QKI: variants seen among roughly 807,000 people sequenced by gnomAD.
QKI encodes the protein KH domain-containing RNA-binding protein QKI.
QKI carries 10 observed loss-of-function variants against 39.0 expected under a neutral mutation model. The ratio of observed to expected loss-of-function variants is 0.26; its 90% confidence interval spans 0.16 to 0.43. The LOEUF (loss-of-function observed/expected upper bound fraction) is 0.43, where lower values mean the gene tolerates loss of function less well. QKI is among the 20% of genes least tolerant of loss of function. The probability of loss-of-function intolerance (pLI) is 1.00; values close to 1 mark genes in which losing one functional copy is unlikely to be tolerated. For missense variants in QKI, 218 were observed against 428.0 expected (o/e 0.51, Z 4.33); for synonymous variants, 204 against 155.4 (o/e 1.31, Z -2.33).
At chr6:163,547,254 C>T (rs1473182242) in intron 4 of QKI, among the ~76,000 whole-genome samples, 1 of 152,146 alleles carries the variant, frequency 6.6e-6, no homozygotes, top group East Asian at 1.9e-4. Context: ...TATTGAAAAA[C>T]TGCAGTTTAC....
chr6:163,499,906 T>A (rs553775224), intron 3 of QKI, among the ~76,000 whole-genome samples: 2 of 152,202 alleles, frequency 1.3e-5, no homozygotes, highest in South Asian at 4.1e-4. Context: ...CCATGAAAAT[T>A]ATAATAATGC....
At chr6:163,493,700 C>G (rs1204378149) in intron 3 of QKI, among the ~76,000 whole-genome samples, 1 of 151,732 alleles carries the variant, frequency 6.6e-6, no homozygotes, top group Non-Finnish European at 1.5e-5. Context: ...AAAAGTACAA[C>G]AAAAAAAGAT....
At chr6:163,499,557 A>G (rs1169016047) in intron 3 of QKI, among the ~76,000 whole-genome samples, 1 of 152,190 alleles carries the variant, frequency 6.6e-6, no homozygotes, top group Non-Finnish European at 1.5e-5. Context: ...CATCACTGAC[A>G]GTGTACGTTT....
intron 6 of QKI, chr6:163,566,372 G>A (rs533363560): frequency 4.8e-4 from 575 of 1,200,484 alleles, no homozygotes; most frequent in African/African-American, 9.6e-4. Context: ...TAAACATGGC[G>A]TTATTTAAGT....
intron 4 of QKI, among the ~76,000 whole-genome samples, chr6:163,541,212 T>C (rs973424006): frequency 1.3e-5 from 2 of 152,092 alleles, no homozygotes; most frequent in African/African-American, 2.4e-5. Flanking sequence ...ATTTTCTTTG[T>C]AATTTCTTCT....
At chr6:163,566,473 C>T (rs1783367668) in intron 6 of QKI, 1 of 1,324,990 alleles carries the variant, frequency 7.5e-7, no homozygotes, top group African/African-American at 1.5e-5. Context: ...AATACTGTAA[C>T]TTGGGGATTG....
intron 6 of QKI, chr6:163,564,970 A>G (rs1783262498): frequency 1.0e-5 from 13 of 1,282,244 alleles, no homozygotes; most frequent in Non-Finnish European, 1.2e-5. Flanking sequence ...TAAGATTTAA[A>G]CTCGAAAATT....
intron 3 of QKI, among the ~76,000 whole-genome samples, chr6:163,526,564 A>G (rs898623592): frequency 3.9e-5 from 6 of 152,184 alleles, no homozygotes; most frequent in African/African-American, 9.6e-5. Context: ...TTTCCCAACA[A>G]TCATTTATTT....
chr6:163,462,742 G>A (rs971375508), intron 2 of QKI, among the ~76,000 whole-genome samples: 5 of 152,154 alleles, frequency 3.3e-5, no homozygotes, highest in Admixed American at 6.6e-5. Flanking sequence ...CAGGACACAG[G>A]AATATGAAAA....
At chr6:163,477,014 TG>T (rs1409658705) in intron 2 of QKI, among the ~76,000 whole-genome samples, 1,467 of 74,122 alleles carry the variant, frequency 0.02, 26 homozygotes, top group African/African-American at 0.083. Flanking sequence ...TGTTTTGTTT[TG>T]TTTTGTTTTT....
chr6:163,534,945 A>G, intron 3 of QKI, 37 bp from the exon 4 acceptor site: 1 of 1,507,220 alleles, frequency 6.6e-7, no homozygotes, highest in Non-Finnish European at 9.0e-7. Context: ...CTCTTTAAAG[A>G]GAATAATTTT....
At chr6:163,435,095 CAAT>C (rs745369654) in intron 1 of QKI, among the ~76,000 whole-genome samples, 6 of 152,196 alleles carry the variant, frequency 3.9e-5, no homozygotes, top group Middle Eastern at 3.4e-3. Context: ...AGTGAATTCA[CAAT>C]AATACTGAAT....
At chr6:163,415,739 G>T (rs1359004912) in intron 1 of QKI, among the ~76,000 whole-genome samples, 1 of 151,854 alleles carries the variant, frequency 6.6e-6, no homozygotes, top group Non-Finnish European at 1.5e-5. Flanking sequence ...TGGAGGACGC[G>T]TGTGCCCGGC....
chr6:163,550,901 C>G (rs1283367147), intron 4 of QKI, among the ~76,000 whole-genome samples: 2 of 148,770 alleles, frequency 1.3e-5, no homozygotes, highest in African/African-American at 5.0e-5. Flanking sequence ...GAGCCAAGAT[C>G]GTGTCACTGC....
At chr6:163,540,904 GTTCTAGAGTTTTATCAA>G (rs1172327487) in intron 4 of QKI, among the ~76,000 whole-genome samples, 2 of 151,750 alleles carry the variant, frequency 1.3e-5, no homozygotes, top group African/African-American at 4.8e-5. Context: ...ATCCAATCTA[GTTCTAGAGTTTTATCAA>G]TTTTATCAAC....
intron 3 of QKI, among the ~76,000 whole-genome samples, chr6:163,524,654 ACGG>A (rs1425579453): frequency 2.0e-5 from 3 of 151,540 alleles, no homozygotes; most frequent in Admixed American, 2.0e-4. Context: ...TTTAGTAGAG[ACGG>A]GGTTTCTCCA....
intron 3 of QKI, among the ~76,000 whole-genome samples, chr6:163,523,598 G>A (rs1179516462): frequency 3.3e-5 from 5 of 152,168 alleles, no homozygotes; most frequent in Non-Finnish European, 5.9e-5. Flanking sequence ...ATGATAGTAT[G>A]CATATATGTT....
chr6:163,469,773 A>G (rs1005764773), intron 2 of QKI, among the ~76,000 whole-genome samples: 1 of 152,154 alleles, frequency 6.6e-6, no homozygotes, highest in Non-Finnish European at 1.5e-5. Flanking sequence ...TGGTTAAGTG[A>G]TGATGTTGTA....
chr6:163,527,995 C>T (rs13207769), intron 3 of QKI, among the ~76,000 whole-genome samples: 11,999 of 152,092 alleles, frequency 0.079, 664 homozygotes, highest in Non-Finnish European at 0.12. Context: ...AGGTGAGTCT[C>T]TCATTTAGGG....
Sources: allele counts gnomAD v4.1 joint callset (sites outside exome capture counted in the v4.1 genomes callset), GRCh38; gene constraint gnomAD v4.1.1; transcripts MANE v1.5; gene names NCBI Gene and HGNC (gene_info 2026-07-23, HGNC 2026-07-21).